The following ISG20L2 variants were observed in gnomAD, a reference collection of about 807,000 sequenced individuals.
ISG20L2 encodes the protein interferon stimulated exonuclease gene 20 like 2, also known as interferon-stimulated 20 kDa exonuclease-like 2.
Under a neutral mutation model 27.8 loss-of-function variants are expected in ISG20L2, and 14 were observed. That is an observed-to-expected ratio of 0.50 (90% confidence interval 0.33 to 0.79). The LOEUF (loss-of-function observed/expected upper bound fraction) is 0.79. Among genes scored for constraint, ISG20L2 ranks in the 30% least tolerant of loss-of-function variants. ISG20L2 has a pLI of 0.02. For synonymous variants in ISG20L2, 157 were observed against 165.7 expected (o/e 0.95, Z 0.40); for missense variants, 393 against 435.1 (o/e 0.90, Z 0.86).
At chr1:156,725,920 G>C in intron 2 of ISG20L2, 1 of 985,524 alleles carries the variant, frequency 1.0e-6, no homozygotes, top group Non-Finnish European at 1.2e-6. Flanking sequence ...CGTGTCCAGA[G>C]AGGGCAGAGT....
chr1:156,725,839 TAA>T (rs1347074113), intron 2 of ISG20L2: 3 of 981,884 alleles, frequency 3.1e-6, no homozygotes, highest in African/African-American at 3.5e-5. Flanking sequence ...CCGTCTTTTC[TAA>T]AATAGTCAGT....
At chr1:156,724,754 C>A in intron 2 of ISG20L2, 1 of 960,588 alleles carries the variant, frequency 1.0e-6, no homozygotes, top group Non-Finnish European at 1.2e-6. Flanking sequence ...TCCAGGGAGG[C>A]TAACAAAAGC....
In ISG20L2 at chr1:156,727,218, G is replaced by A. The variant is rs778304270; in HGVS notation, c.435C>T (p.Ser145=). The A allele has an allele frequency of 1.2e-6, 2 of 1,614,002 alleles. No individual in the cohort carries two copies. Among genetic ancestry groups the A allele is most frequent in the South Asian group, 1.1e-5 (1 of 91,090 alleles). The change falls in exon 2 of 4, where the codon TCC becomes TCT. Residue 145 remains serine (S), a synonymous_variant. Transcript: ENST00000368219. ...RSQKKSSQKK[S]SKKNHPQKNA... is the part of the protein sequence containing the mutation. ...TCTTCTGAGGATGGTTCTTTTTAGA[G>A]GATTTCTTCTGGGAGCTCTTCTTCT...
In ISG20L2 at chr1:156,724,254, C is replaced by T. The variant is rs769204504; in HGVS notation, c.842G>A (p.Arg281His). Residue 281 changes from arginine to histidine, a missense_variant, in exon 3 of 4, where the codon CGT (arginine) becomes CAT (histidine). This residue lies in a region of ISG20L2 where 171 missense variants were observed against 195.3 expected (regional missense o/e 0.88). Coordinates refer to ENST00000368219, the MANE Select transcript of ISG20L2 (RefSeq NM_001370150.2). The stretch of plus-strand genomic sequence containing the variant: ...GAGGGGGGGGATATGGGAGGTGTCA[C>T]GGGTGAGGGACTTGGGGTGAAAGTA... ...LQYFHPKSLT[R>H]DTSHIPPLNR... 100 of 1,613,838 alleles carry T rather than the reference C, an allele frequency of 6.2e-5. No homozygotes were observed. Among genetic ancestry groups the T allele is most frequent in the Non-Finnish European group, 7.8e-5 (92 of 1,179,994 alleles).
intron 2 of ISG20L2, chr1:156,725,887 C>G (rs1648733532): frequency 1.0e-6 from 1 of 985,394 alleles, no homozygotes; most frequent in Admixed American, 6.1e-5. Context: ...CAACTGACCG[C>G]ATATAAGGCA....
At chr1:156,726,031 C>G in intron 2 of ISG20L2, 1 of 985,400 alleles carries the variant, frequency 1.0e-6, no homozygotes, top group Non-Finnish European at 1.2e-6. Context: ...TTTCACCCCT[C>G]CCAGCTCACT....
Position 156,724,158 on chromosome 1 carries a change from C to A in ISG20L2, c.938G>T (p.Arg313Leu). 1 of 1,613,162 alleles carries A rather than the reference C, an allele frequency of 6.2e-7. No homozygotes were observed. Among genetic ancestry groups the A allele is most frequent in the Non-Finnish European group, 8.5e-7 (1 of 1,179,770 alleles). Residue 313 changes from arginine to leucine, a missense_variant, in exon 3 of 4, where the codon CGG becomes CTG. Around this residue, in one of 3 missense-constraint regions of ISG20L2, gnomAD observed 171 missense variants for 195.3 expected, o/e 0.88. Coordinates refer to ENST00000368219, the MANE Select transcript of ISG20L2 (RefSeq NM_001370150.2). ...LKHLTKKLLN[R>L]DIQVGKSGHS... ...GTGGGGAGATGCTACCTGGATATCC[C>A]GGTTTAGCAGCTTCTTGGTGAGATG...
chr1:156,723,812 G>A (rs2102619575), intron 3 of ISG20L2: 1 of 1,239,118 alleles, frequency 8.1e-7, no homozygotes, highest in South Asian at 2.1e-5. Context: ...CCATCTTCCT[G>A]CCAGATGGGC....
chr1:156,726,933 G>A lies in ISG20L2; in HGVS notation c.720C>T (p.Ala240=). 6.2e-7 allele frequency: 1 copy of A among 1,614,120 alleles called. No individual in the cohort carries two copies. The highest frequency in any genetic ancestry group is 8.5e-7 in the Non-Finnish European group (1 of 1,179,970). The change falls in exon 2 of 4, where the codon GCC becomes GCT. Residue 240 remains alanine, a synonymous_variant. Coordinates refer to ENST00000368219, the MANE Select transcript of ISG20L2 (RefSeq NM_001370150.2). ...GGCCTCGAGCAATCTTGAAGGGTGT[G>A]GCATTCACCATGTGCTGCTTCCGGA... is the stretch of plus-strand genomic sequence containing the variant. The part of the protein sequence containing the change: ...SGIRKQHMVN[A]TPFKIARGQI...
In ISG20L2 at chr1:156,724,355, G is replaced by T. The variant is rs562035671; in HGVS notation, c.748-7C>A. Reference sequence around the variant, plus strand: ...CTGTGAGTATCTTCAAGATCTGGAAGAAGTGTGGGAAGAGAGTGGTGAGAA... The same window carrying T: ...CTGTGAGTATCTTCAAGATCTGGAATAAGTGTGGGAAGAGAGTGGTGAGAA... On this transcript the variant is annotated splice_region_variant and splice_polypyrimidine_tract_variant and intron_variant, in intron 2 of 3. Transcript: ENST00000368219. 3.1e-6 allele frequency: 5 copies of T among 1,601,386 alleles called. No homozygotes were observed. The South Asian group carries it at 3.3e-5, about 11-fold the overall frequency.
Position 156,726,935 on chromosome 1 carries a change from C to T in ISG20L2, c.718G>A (p.Ala240Thr). The T allele has an allele frequency of 6.2e-7, 1 of 1,614,080 alleles. No individual in the cohort carries two copies. The highest frequency in any genetic ancestry group is 2.2e-5 in the East Asian group (1 of 44,892). ...CCTCGAGCAATCTTGAAGGGTGTGG[C>T]ATTCACCATGTGCTGCTTCCGGATA... ...SGIRKQHMVN[A>T]TPFKIARGQI... is the part of the protein sequence containing the mutation. Residue 240 changes from alanine to threonine, a missense_variant, in exon 2 of 4, where the codon GCC (alanine) becomes ACC (threonine). By Grantham distance (58) the Ala-to-Thr change is moderately conservative (BLOSUM62 0). Coordinates refer to ENST00000368219, the MANE Select transcript of ISG20L2 (RefSeq NM_001370150.2).
At chr1:156,723,607 G>T in intron 3 of ISG20L2, 145 bp from the exon 4 acceptor site, 1 of 1,456,266 alleles carries the variant, frequency 6.9e-7, no homozygotes, top group South Asian at 1.4e-5. Context: ...ATTCTGGTGG[G>T]GTCCTACTCC....
At position 156,728,505 on chromosome 1, in the gene ISG20L2, G is replaced by C. The variant is rs1445657391; in HGVS notation, c.-208C>G. 2 of 985,426 alleles carry C rather than the reference G, an allele frequency of 2.0e-6. No homozygotes were observed. The highest frequency in any genetic ancestry group is 2.4e-6 in the Non-Finnish European group (2 of 829,898). The allele number at this position is 985,426 out of a possible 1,614,324, so 61.0% of individuals were successfully genotyped here. On this transcript the variant is annotated 5_prime_UTR_variant, in exon 1 of 4. Transcript: ENST00000368219. ...ACGAAGCCCGGGAAGGCAGGCGCGC[G>C]GGTTAGAACGCGCCAGAGGTCGGCG...
In ISG20L2 at chr1:156,724,259, G is replaced by C; in HGVS notation, c.837C>G (p.Leu279=). ...GGGGGATATGGGAGGTGTCACGGGT[G>C]AGGGACTTGGGGTGAAAGTACTGAA... ...KALQYFHPKS[L]TRDTSHIPPL... The change falls in exon 3 of 4, where the codon CTC becomes CTG. Residue 279 remains leucine, a synonymous_variant. Transcript: ENST00000368219. 6.2e-7 allele frequency: 1 copy of C among 1,614,104 alleles called. No individual in the cohort carries two copies. The highest frequency in any genetic ancestry group is 1.1e-5 in the South Asian group (1 of 91,080).
Position 156,727,613 on chromosome 1 carries a change from G to A in ISG20L2, c.40C>T (p.Pro14Ser), listed in dbSNP as rs1399398040. 1.2e-6 allele frequency: 2 copies of A among 1,613,850 alleles called. No individual in the cohort carries two copies. Among genetic ancestry groups the A allele is most frequent in the Non-Finnish European group, 1.7e-6 (2 of 1,179,950 alleles). The stretch of plus-strand genomic sequence containing the variant: ...TTTCCTTCTAATGCCTTTTTGGGAG[G>A]AGGTTCCCCAAAATCCAGATTGAGC... ...LLLNLDFGEP[P>S]PKKALEGNAK... Residue 14 changes from proline (P) to serine (S), a missense_variant, in exon 2 of 4, where the codon CCT becomes TCT. By Grantham distance (74) the Pro-to-Ser change is moderately conservative. Around this residue, in one of 3 missense-constraint regions of ISG20L2, gnomAD observed 183 missense variants for 168.2 expected, o/e 1.09. Coordinates refer to ENST00000368219, the MANE Select transcript of ISG20L2 (RefSeq NM_001370150.2).
rs1378420375 is a variant in ISG20L2, at chr1:156,727,257, G to C, written c.396C>G (p.His132Gln). 2 of 1,614,088 alleles carry C rather than the reference G, an allele frequency of 1.2e-6. No homozygotes were observed. The highest frequency in any genetic ancestry group is 3.3e-4 in the Middle Eastern group (2 of 6,062). Residue 132 changes from histidine to glutamine, a missense_variant, in exon 2 of 4, where the codon CAC (histidine) becomes CAG (glutamine). Physicochemically the swap from His to Gln is conservative, Grantham distance 24. Coordinates refer to ENST00000368219, the MANE Select transcript of ISG20L2 (RefSeq NM_001370150.2). ...FQSALPKINS[H>Q]PTRSQKKSSQ... is the part of the protein sequence containing the mutation. ...AGCTCTTCTTCTGAGAGCGGGTTGGGTGGCTATTGATCTTTGGAAGGGCAC... is the reference window on the plus strand; with the variant it reads ...AGCTCTTCTTCTGAGAGCGGGTTGGCTGGCTATTGATCTTTGGAAGGGCAC...
At position 156,728,422 on chromosome 1, in the gene ISG20L2, A is replaced by G. The variant is rs1648915918; in HGVS notation, c.-125T>C. On this transcript the variant is annotated 5_prime_UTR_variant, in exon 1 of 4. Transcript: ENST00000368219. ...TCACGCTCACAAACCTACCTCCCAGACGGGTCCAGCTAAGACCGGAAGCGT... is the reference window on the plus strand; with the variant it reads ...TCACGCTCACAAACCTACCTCCCAGGCGGGTCCAGCTAAGACCGGAAGCGT... The G allele has an allele frequency of 3.0e-6, 3 of 985,512 alleles. No homozygotes were observed. The highest frequency in any genetic ancestry group is 9.3e-5 in the South Asian group (2 of 21,434). The allele number at this position is 985,512 out of a possible 1,614,324, so 61.0% of individuals were successfully genotyped here. A position where few individuals can be genotyped will look rare whatever the true frequency, so the allele number is the denominator to read the frequency against.
rs1282647846 is a variant in ISG20L2 at position 156,723,462 on chromosome 1, C to A, written c.949G>T (p.Val317Phe). The change falls in exon 4 of 4, where the codon GTT becomes TTT. Residue 317 changes from valine to phenylalanine, a missense_variant and splice_region_variant. Around this residue, in one of 3 missense-constraint regions of ISG20L2, gnomAD observed 171 missense variants for 195.3 expected, o/e 0.88. Transcript: ENST00000368219. ...TKKLLNRDIQVGKSGHSSVED... is the reference protein window; with the variant it reads ...TKKLLNRDIQFGKSGHSSVED... ...ACAGAGGAATGTCCGCTCTTCCCAA[C>A]CTGAGCAAGCAAGGAAGACAAGAGC... 6.2e-7 allele frequency: 1 copy of A among 1,613,962 alleles called. No homozygotes were observed. Among genetic ancestry groups the A allele is most frequent in the African/African-American group, 1.3e-5 (1 of 74,926 alleles).
In ISG20L2 at chr1:156,723,142, T is replaced by C. The variant is rs1571491658; in HGVS notation, c.*207A>G. 1 of 619,996 alleles carries C rather than the reference T, an allele frequency of 1.6e-6. No individual in the cohort carries two copies. Among genetic ancestry groups the C allele is most frequent in the Non-Finnish European group, 2.8e-6 (1 of 359,642 alleles). 38.4% of individuals were successfully genotyped at this position (619,996 alleles called of 1,614,324 possible). A position where few individuals can be genotyped will look rare whatever the true frequency, so the allele number is the denominator to read the frequency against. ...TAGGGTTGGGTTCTGACGTGAAGGC[T>C]TTCCCCTTCCATGGGACACTTAACC... On this transcript the variant is annotated 3_prime_UTR_variant, in exon 4 of 4. Transcript: ENST00000368219.
Sources: allele counts gnomAD v4.1 joint callset, GRCh38; gene constraint gnomAD v4.1.1; regional missense constraint gnomAD v4.1.1; transcripts MANE v1.5; gene names NCBI Gene and HGNC (gene_info 2026-07-23, HGNC 2026-07-21).